Variants in SUSD4 observed in about 807,000 individuals in gnomAD.
SUSD4 encodes the protein sushi domain-containing protein 4.
In SUSD4, 41 loss-of-function variants were observed where a neutral mutation model predicts 50.5. The ratio of observed to expected loss-of-function variants is 0.81; its 90% confidence interval spans 0.63 to 1.05. The LOEUF (loss-of-function observed/expected upper bound fraction) is 1.05, where lower values mean the gene tolerates loss of function less well. Among genes scored for constraint, SUSD4 ranks in the 50% least tolerant of loss-of-function variants. SUSD4 has a pLI of 0.00. For synonymous variants in SUSD4, 257 were observed against 257.3 expected (o/e 1.00, Z 0.01); for missense variants, 580 against 634.7 (o/e 0.91, Z 0.93).
At chr1:223,352,313 T>C (rs151227139) in intron 2 of SUSD4, among the ~76,000 whole-genome samples, 11 of 152,318 alleles carry the variant, frequency 7.2e-5, no homozygotes, top group South Asian at 6.2e-4. Context: ...GAGCTCTCTG[T>C]GTGCTCATTT....
At chr1:223,341,923 C>A (rs944383882) in intron 2 of SUSD4, among the ~76,000 whole-genome samples, 10 of 152,148 alleles carry the variant, frequency 6.6e-5, no homozygotes, top group Admixed American at 5.9e-4. Flanking sequence ...CTTCTCGGGG[C>A]CTCAGAGTCT....
chr1:223,351,256 C>T (rs1051855220), intron 2 of SUSD4, among the ~76,000 whole-genome samples: 1 of 152,216 alleles, frequency 6.6e-6, no homozygotes, highest in African/African-American at 2.4e-5. Context: ...GATACAGCTG[C>T]ACTATGTGCA....
chr1:223,259,135 G>C (rs1038688359), intron 5 of SUSD4, among the ~76,000 whole-genome samples: 9 of 152,186 alleles, frequency 5.9e-5, no homozygotes, highest in Admixed American at 5.9e-4. Context: ...GCCACTGTTT[G>C]CACTGGACCT....
At chr1:223,335,207 T>C (rs750595318) in intron 2 of SUSD4, among the ~76,000 whole-genome samples, 10 of 152,192 alleles carry the variant, frequency 6.6e-5, no homozygotes, top group Non-Finnish European at 1.5e-4. Context: ...TTTTTTCATA[T>C]AATGACTTCT....
At position 223,363,321 on chromosome 1, in the gene SUSD4, C is replaced by T. The variant is rs1253112212; in HGVS notation, c.105G>A (p.Trp35Ter). The T allele has an allele frequency of 1.2e-6, 2 of 1,611,010 alleles. No homozygotes were observed. Among genetic ancestry groups the T allele is most frequent in the Admixed American group, 1.7e-5 (1 of 59,672 alleles). Residue 35 changes from tryptophan (W) to a stop codon, truncating the protein, a stop_gained, in exon 2 of 9, where the codon TGG (tryptophan) becomes TGA (stop). Transcript: ENST00000366878. LOFTEE classifies it high-confidence loss of function. ...SPQRLLAVIL[W>*]FQLALCFGPA... The stretch of plus-strand genomic sequence containing the variant: ...GGCCGAAGCACAGCGCCAGCTGAAA[C>T]CACAGGATCACGGCCAAGAGTCTCT...
At position 223,330,899 on chromosome 1, in the gene SUSD4, AAGATGGAAGGATGGC is replaced by A. The variant is rs757971236; in HGVS notation, c.148+32364_148+32378del. ...AGAAGTATTCACCTATCAGAACTAGAAGATGGAAGGATGGCAGAGAGAAGGGAACAGAAAGCTGTC... is the reference window on the plus strand; with the variant it reads ...AGAAGTATTCACCTATCAGAACTAGAAGAGAGAAGGGAACAGAAAGCTGTC... On this transcript the variant is annotated intron_variant, in intron 2 of 8. Transcript: ENST00000366878. 1.1e-4 allele frequency among the ~76,000 whole-genome samples: 17 copies of A among 152,218 alleles called. 1 individual carries two copies. The highest frequency in any genetic ancestry group is 1.0e-3 in the Admixed American group (16 of 15,282).
chr1:223,284,515 G>A (rs1378342768), intron 3 of SUSD4, among the ~76,000 whole-genome samples: 1 of 152,150 alleles, frequency 6.6e-6, no homozygotes, highest in Non-Finnish European at 1.5e-5. Flanking sequence ...ACTTTGTAGG[G>A]TTGCTGTAGT....
intron 2 of SUSD4, among the ~76,000 whole-genome samples, chr1:223,348,850 G>A (rs1481142001): frequency 6.6e-6 from 1 of 152,078 alleles, no homozygotes; most frequent in Non-Finnish European, 1.5e-5. Context: ...CTGAGATTCT[G>A]CTGAAAGCTA....
At chr1:223,341,935 G>T (rs1299853555) in intron 2 of SUSD4, among the ~76,000 whole-genome samples, 1 of 152,086 alleles carries the variant, frequency 6.6e-6, no homozygotes, top group African/African-American at 2.4e-5. Context: ...TCAGAGTCTG[G>T]TATGAAACAG....
chr1:223,301,558 CT>C (rs1558230601), intron 2 of SUSD4, among the ~76,000 whole-genome samples: 2 of 152,298 alleles, frequency 1.3e-5, no homozygotes, highest in South Asian at 2.1e-4. Flanking sequence ...CACTTAAGAG[CT>C]TTTCCCCCCT....
chr1:223,359,437 C>T (rs1242168471), intron 2 of SUSD4, among the ~76,000 whole-genome samples: 1 of 152,228 alleles, frequency 6.6e-6, no homozygotes, highest in Non-Finnish European at 1.5e-5. Context: ...ATCCTAAGTG[C>T]TACCTCTTCT....
intron 2 of SUSD4, among the ~76,000 whole-genome samples, chr1:223,354,117 C>T (rs1317043778): frequency 1.3e-5 from 2 of 152,046 alleles, no homozygotes; most frequent in Non-Finnish European, 2.9e-5. Flanking sequence ...GTGGATTCTC[C>T]ACCCCCTCAT....
intron 2 of SUSD4, among the ~76,000 whole-genome samples, chr1:223,312,790 G>C (rs1461280008): frequency 2.0e-5 from 3 of 152,164 alleles, no homozygotes. Flanking sequence ...TCTACTCACA[G>C]TGTCACCCAT....
chr1:223,252,125 G>C (rs890659682), intron 5 of SUSD4, among the ~76,000 whole-genome samples: 2 of 148,398 alleles, frequency 1.3e-5, no homozygotes, highest in South Asian at 4.3e-4. Context: ...TGTAAACGAC[G>C]AGTTAATGGG....
intron 3 of SUSD4, among the ~76,000 whole-genome samples, chr1:223,280,745 C>T (rs1663657003): frequency 6.6e-6 from 1 of 152,110 alleles, no homozygotes; most frequent in African/African-American, 2.4e-5. Flanking sequence ...ACCTAATAGG[C>T]ATCTACAGAA....
intron 5 of SUSD4, among the ~76,000 whole-genome samples, chr1:223,262,391 G>A (rs1163133447): frequency 6.6e-6 from 1 of 152,146 alleles, no homozygotes; most frequent in Non-Finnish European, 1.5e-5. Flanking sequence ...TGCTTAGGAA[G>A]ACAGAAAGAT....
intron 2 of SUSD4, chr1:223,358,848 C>T (rs777604376): frequency 1.4e-4 from 37 of 258,452 alleles, no homozygotes; most frequent in African/African-American, 4.6e-4. Context: ...ACAGATTAAG[C>T]GCAGTTTGAA....
chr1:223,363,751 C>T, intron 1 of SUSD4: 2 of 269,768 alleles, frequency 7.4e-6, no homozygotes, highest in Non-Finnish European at 1.4e-5. Flanking sequence ...GATTCAGCAG[C>T]TGTGCCCACC....
At chr1:223,353,274 G>A (rs1316588522) in intron 2 of SUSD4, among the ~76,000 whole-genome samples, 2 of 152,156 alleles carry the variant, frequency 1.3e-5, no homozygotes, top group Admixed American at 6.5e-5. Flanking sequence ...GTGGGAAGGC[G>A]TTTACATGCT....
Sources: gnomAD v4.1 joint callset for allele counts (sites outside exome capture counted in the v4.1 genomes callset) on GRCh38, gnomAD v4.1.1 for gene constraint, MANE v1.5 for transcripts, NCBI Gene and HGNC (gene_info 2026-07-23, HGNC 2026-07-21) for gene names.